The following SNX29 variants were observed in gnomAD, a reference collection of about 807,000 sequenced individuals.
SNX29 encodes the protein sorting nexin 29.
In SNX29, 78 loss-of-function variants were observed where a neutral mutation model predicts 102.1. The ratio of observed to expected loss-of-function variants is 0.76; its 90% CI spans 0.64 to 0.92. The LOEUF is 0.92. Ranked by LOEUF, SNX29 falls within the 40% of genes least tolerant of loss-of-function variation. The probability of loss-of-function intolerance (pLI) is 0.00; values close to 1 mark genes in which losing one functional copy is unlikely to be tolerated. For synonymous variants in SNX29, 580 were observed against 414.5 expected, an observed-to-expected ratio of 1.40 and a Z score of -4.85; for missense variants, 1,280 against 1,061.7, an observed-to-expected ratio of 1.21 and a Z score of -2.86.
intron 15 of SNX29, among the ~76,000 whole-genome samples, chr16:12,280,858 A>G (rs1002692019): frequency 2.0e-5 from 3 of 152,216 alleles, no homozygotes; most frequent in African/African-American, 7.2e-5. Flanking sequence ...AAAAGTTGAT[A>G]TAGTTTCTTT....
chr16:12,311,253 C>T (rs1313246299), intron 15 of SNX29, among the ~76,000 whole-genome samples: 2 of 152,164 alleles, frequency 1.3e-5, no homozygotes, highest in Non-Finnish European at 2.9e-5. Context: ...GTGCCTCTCT[C>T]CCAGAGCTTG....
chr16:12,130,121 A>C (rs1460740957), intron 13 of SNX29, among the ~76,000 whole-genome samples: 1 of 149,224 alleles, frequency 6.7e-6, no homozygotes, highest in East Asian at 2.0e-4. Context: ...AAAACAAACA[A>C]CAACCAACCA....
At chr16:12,031,796 C>G (rs529043621) in intron 4 of SNX29, among the ~76,000 whole-genome samples, 11 of 151,272 alleles carry the variant, frequency 7.3e-5, no homozygotes, top group African/African-American at 2.7e-4. Context: ...CAGAGTGAGA[C>G]TCCATCTCAA....
intron 11 of SNX29, among the ~76,000 whole-genome samples, 187 bp from the exon 12 acceptor site, chr16:12,126,446 A>G (rs1159407316): frequency 6.6e-6 from 1 of 152,206 alleles, no homozygotes; most frequent in Non-Finnish European, 1.5e-5. Context: ...GACTTCAGAG[A>G]CTGTGCTCTA....
chr16:12,557,280 A>G (rs1481752030), intron 20 of SNX29: 1 of 152,272 alleles, frequency 6.6e-6, no homozygotes, highest in African/African-American at 2.4e-5. Flanking sequence ...TGCAGGCAGA[A>G]GAGACCTGGG....
chr16:12,570,165 C>A lies in SNX29; in HGVS notation c.*1536C>A. 3 of 1,065,436 alleles carry A rather than the reference C, an allele frequency of 2.8e-6. No individual in the cohort carries two copies. The highest frequency in any genetic ancestry group is 5.0e-5 in the East Asian group (1 of 20,064). 66.0% of individuals were successfully genotyped at this position (1,065,436 alleles called of 1,614,324 possible). On this transcript the variant is annotated 3_prime_UTR_variant, in exon 21 of 21. Transcript: ENST00000566228. The stretch of plus-strand genomic sequence containing the variant: ...AGATCACTCACACACAGCGCCCCCC[C>A]ACCCCAGAGAAACCGAGTCAGCCTA...
At chr16:11,989,794 A>G (rs1045610915) in intron 1 of SNX29, among the ~76,000 whole-genome samples, 3 of 152,220 alleles carry the variant, frequency 2.0e-5, no homozygotes, top group Non-Finnish European at 4.4e-5. Context: ...CTGCAGGGCC[A>G]TGGGAGCACT....
intron 19 of SNX29, among the ~76,000 whole-genome samples, chr16:12,495,102 C>A (rs965573621): frequency 6.6e-6 from 1 of 152,218 alleles, no homozygotes; most frequent in African/African-American, 2.4e-5. Flanking sequence ...GATACTCCAT[C>A]CCTCACCCTT....
intron 20 of SNX29, among the ~76,000 whole-genome samples, chr16:12,567,201 G>C (rs973257252): frequency 2.0e-5 from 3 of 152,156 alleles, no homozygotes; most frequent in African/African-American, 7.2e-5. Flanking sequence ...TGGCATCTTT[G>C]GTCCTTTCTA....
At chr16:12,076,954 G>A (rs2051603304) in intron 10 of SNX29, among the ~76,000 whole-genome samples, 1 of 152,154 alleles carries the variant, frequency 6.6e-6, no homozygotes, top group Non-Finnish European at 1.5e-5. Context: ...CCCTTCCAGG[G>A]GGTGGAGTCT....
chr16:12,467,985 C>T (rs1597486371), intron 18 of SNX29, among the ~76,000 whole-genome samples: 1 of 152,132 alleles, frequency 6.6e-6, no homozygotes, highest in East Asian at 1.9e-4. Context: ...CTTCATCATC[C>T]TCTAACATCC....
chr16:12,155,404 C>G (rs957272214), intron 13 of SNX29, among the ~76,000 whole-genome samples: 6 of 152,126 alleles, frequency 3.9e-5, no homozygotes, highest in Non-Finnish European at 7.3e-5. Flanking sequence ...TGTTTCTCTT[C>G]TTGAGAGCAC....
chr16:12,273,452 G>T (rs978357472), intron 14 of SNX29, among the ~76,000 whole-genome samples: 1 of 150,722 alleles, frequency 6.6e-6, no homozygotes, highest in African/African-American at 2.4e-5. Context: ...TCTGCCTCCC[G>T]GATTCAAGTG....
At chr16:12,435,460 C>G (rs550150436) in intron 18 of SNX29, among the ~76,000 whole-genome samples, 1 of 152,144 alleles carries the variant, frequency 6.6e-6, no homozygotes, top group Non-Finnish European at 1.5e-5. Context: ...CACAGGCAGG[C>G]GGGTACGAGG....
At chr16:12,381,343 A>C (rs1334429475) in intron 16 of SNX29, among the ~76,000 whole-genome samples, 1 of 91,958 alleles carries the variant, frequency 1.1e-5, no homozygotes, top group African/African-American at 4.5e-5. Flanking sequence ...TCACCAACCA[A>C]CCCATCATCC....
intron 20 of SNX29, 64 bp from the exon 21 acceptor site, chr16:12,568,442 C>A (rs568161142): frequency 1.9e-6 from 3 of 1,591,906 alleles, no homozygotes; most frequent in Non-Finnish European, 2.6e-6. Context: ...GGCTCCCCTT[C>A]CTGGCCTGTG....
chr16:12,249,056 A>G (rs1328231163), intron 14 of SNX29, among the ~76,000 whole-genome samples: 2 of 152,188 alleles, frequency 1.3e-5, no homozygotes, highest in Non-Finnish European at 2.9e-5. Context: ...TTAACAAACC[A>G]TTCCCAAAAT....
intron 13 of SNX29, among the ~76,000 whole-genome samples, chr16:12,173,843 G>C (rs2076203076): frequency 2.0e-5 from 3 of 152,184 alleles, no homozygotes; most frequent in Admixed American, 1.3e-4. Flanking sequence ...CTGGAGTGCA[G>C]TGGTGCGATC....
chr16:12,122,036 C>T (rs953765423), intron 11 of SNX29, among the ~76,000 whole-genome samples: 3 of 152,124 alleles, frequency 2.0e-5, no homozygotes, highest in African/African-American at 7.2e-5. Context: ...GGATGGTCTT[C>T]ATCTCCTGAC....
Sources: allele counts gnomAD v4.1 joint callset (sites outside exome capture counted in the v4.1 genomes callset), GRCh38; gene constraint gnomAD v4.1.1; transcripts MANE v1.5; gene names NCBI Gene and HGNC (gene_info 2026-07-23, HGNC 2026-07-21).